POU6F2: variants seen among roughly 807,000 people sequenced by gnomAD.
POU6F2 encodes POU class 6 homeobox 2.
In POU6F2, 31 loss-of-function variants were observed where a neutral mutation model predicts 71.3. The ratio of observed to expected loss-of-function variants is 0.43; its 90% CI spans 0.33 to 0.59. The LOEUF is 0.59. Ranked by LOEUF, POU6F2 falls within the 20% of genes least tolerant of loss-of-function variation. The pLI, the probability that POU6F2 is intolerant of heterozygous loss-of-function variation, is 0.04. For missense variants in POU6F2, 783 were observed against 856.8 expected (o/e 0.91, Z 1.07); for synonymous variants, 347 against 355.7 (o/e 0.98, Z 0.27).
intron 5 of POU6F2, among the ~76,000 whole-genome samples, chr7:39,367,123 T>A (rs570352289): frequency 6.6e-6 from 1 of 152,298 alleles, no homozygotes; most frequent in South Asian, 2.1e-4. Context: ...TCACCACAAG[T>A]CATTTATCCA....
At chr7:39,199,694 A>C (rs984271868) in intron 2 of POU6F2, among the ~76,000 whole-genome samples, 1 of 152,164 alleles carries the variant, frequency 6.6e-6, no homozygotes, top group African/African-American at 2.4e-5. Context: ...CAGTCCCTTC[A>C]GAGCAGAGGG....
Position 39,207,431 on chromosome 7 carries a change from G to A in POU6F2, c.409G>A (p.Gly137Ser), listed in dbSNP as rs553475147. ...ACAGCAGTTAGCTTCTGCTGTGGCC[G>A]GCGTGATGCCGGGAGGCCCCCCAGC... ...TAQQLASAVA[G>S]VMPGGPPALN... is the part of the protein sequence containing the mutation. Residue 137 changes from glycine to serine, a missense_variant, in exon 4 of 10, where the codon GGC becomes AGC. By Grantham distance (56) the Gly-to-Ser change is moderately conservative. Transcript: ENST00000518318. 32 of 1,613,904 alleles carry A rather than the reference G, an allele frequency of 2.0e-5. No individual in the cohort carries two copies. The highest frequency in any genetic ancestry group is 1.3e-4 in the African/African-American group (10 of 75,042).
intron 7 of POU6F2, among the ~76,000 whole-genome samples, chr7:39,436,620 C>G (rs184516444): frequency 1.3e-5 from 2 of 152,236 alleles, no homozygotes; most frequent in East Asian, 3.9e-4. Context: ...TTATTTTCCT[C>G]TCTCGCCTGA....
At chr7:39,383,599 C>T (rs1023450486) in intron 5 of POU6F2, among the ~76,000 whole-genome samples, 1 of 152,156 alleles carries the variant, frequency 6.6e-6, no homozygotes, top group African/African-American at 2.4e-5. Context: ...GCACTGAGTT[C>T]ATATCACTCA....
chr7:39,295,856 TCAA>T, intron 4 of POU6F2, among the ~76,000 whole-genome samples: 1 of 152,330 alleles, frequency 6.6e-6, no homozygotes, highest in African/African-American at 2.4e-5. Context: ...TTATTTCATA[TCAA>T]CAACATGTAC....
chr7:39,338,021 T>C (rs1785816695), intron 4 of POU6F2, among the ~76,000 whole-genome samples: 1 of 152,256 alleles, frequency 6.6e-6, no homozygotes, highest in Non-Finnish European at 1.5e-5. Flanking sequence ...AGATAAATGC[T>C]TTTCTAACCA....
At chr7:39,208,468 T>G (rs2128746140) in intron 4 of POU6F2, among the ~76,000 whole-genome samples, 1 of 152,326 alleles carries the variant, frequency 6.6e-6, no homozygotes, top group African/African-American at 2.4e-5. Context: ...AGGGCCTGTC[T>G]GGGTAAGTTA....
intron 6 of POU6F2, among the ~76,000 whole-genome samples, chr7:39,426,847 AG>A (rs1399842702): frequency 1.3e-5 from 2 of 152,208 alleles, no homozygotes; most frequent in African/African-American, 4.8e-5. Context: ...GGAACTGTCT[AG>A]CTGGTTTTCA....
intron 5 of POU6F2, among the ~76,000 whole-genome samples, chr7:39,354,497 T>C (rs1251111034): frequency 1.3e-5 from 2 of 152,250 alleles, no homozygotes; most frequent in African/African-American, 2.4e-5. Flanking sequence ...ATCTGATTGT[T>C]CCAACATAGA....
chr7:39,020,134 C>A (rs756310399), intron 1 of POU6F2, among the ~76,000 whole-genome samples: 2 of 152,100 alleles, frequency 1.3e-5, no homozygotes, highest in Non-Finnish European at 2.9e-5. Flanking sequence ...AGCTCCCAAT[C>A]TGGGGTCTTA....
At chr7:39,043,997 A>T (rs151073832) in intron 1 of POU6F2, among the ~76,000 whole-genome samples, 251 of 152,010 alleles carry the variant, frequency 1.7e-3, no homozygotes, top group African/African-American at 5.0e-3. Context: ...CCTCAGAGGC[A>T]GTGATTCTCA....
At chr7:39,189,590 A>G (rs547468079) in intron 2 of POU6F2, among the ~76,000 whole-genome samples, 1 of 151,816 alleles carries the variant, frequency 6.6e-6, no homozygotes, top group East Asian at 2.0e-4. Flanking sequence ...TTTAGTAGAG[A>G]CAGGATTTCA....
chr7:39,008,759 G>A (rs1400950499), intron 1 of POU6F2, among the ~76,000 whole-genome samples: 1 of 151,006 alleles, frequency 6.6e-6, no homozygotes, highest in African/African-American at 2.4e-5. Context: ...AGTTTTCCCA[G>A]CACCATTTAT....
intron 1 of POU6F2, among the ~76,000 whole-genome samples, chr7:39,011,357 T>C (rs1789279071): frequency 6.6e-6 from 1 of 151,712 alleles, no homozygotes; most frequent in African/African-American, 2.4e-5. Flanking sequence ...CCTGCCTTTT[T>C]TTGTTTTCCA....
chr7:39,418,689 CAA>C (rs1432505687), intron 6 of POU6F2, among the ~76,000 whole-genome samples: 7 of 119,128 alleles, frequency 5.9e-5, no homozygotes, highest in South Asian at 2.6e-4. Flanking sequence ...GACTCTGTCT[CAA>C]AAAAAAAAAA....
intron 2 of POU6F2, chr7:39,132,667 C>T (rs553186161): frequency 7.2e-4 from 109 of 152,258 alleles, no homozygotes; most frequent in African/African-American, 2.2e-3. Flanking sequence ...CTGCTGTTAA[C>T]GTGGCTTGTC....
intron 7 of POU6F2, among the ~76,000 whole-genome samples, chr7:39,444,562 C>G: frequency 6.6e-6 from 1 of 152,226 alleles, no homozygotes; most frequent in Non-Finnish European, 1.5e-5. Context: ...CCAGCTTGGG[C>G]TACAGCGTGA....
chr7:39,073,451 CT>C (rs1330964100), intron 1 of POU6F2, among the ~76,000 whole-genome samples: 1 of 151,168 alleles, frequency 6.6e-6, no homozygotes, highest in Non-Finnish European at 1.5e-5. Context: ...GAAGATTTAG[CT>C]AATCTTTCCA....
chr7:39,425,513 G>T (rs1363573400), intron 6 of POU6F2, among the ~76,000 whole-genome samples: 1 of 152,064 alleles, frequency 6.6e-6, no homozygotes, highest in Non-Finnish European at 1.5e-5. Flanking sequence ...TAAGTTTAAG[G>T]TTTCAAAATC....
Sources: gnomAD v4.1 joint callset for allele counts (sites outside exome capture counted in the v4.1 genomes callset) on GRCh38, gnomAD v4.1.1 for gene constraint, MANE v1.5 for transcripts, NCBI Gene and HGNC (gene_info 2026-07-23, HGNC 2026-07-21) for gene names.